ULK4: variants seen among roughly 807,000 people sequenced by gnomAD.
ULK4 encodes unc-51 like kinase 4.
In ULK4, 133 loss-of-function variants were observed where a neutral mutation model predicts 160.6. The observed-to-expected ratio is 0.83, with a 90% CI of 0.72 to 0.96. The LOEUF (loss-of-function observed/expected upper bound fraction) is 0.96, where lower values mean the gene tolerates loss of function less well. Ranked by LOEUF, ULK4 falls within the 40% of genes least tolerant of loss-of-function variation. ULK4 has a pLI of 0.00. For missense variants in ULK4, 1,580 were observed against 1,499.5 expected (o/e 1.05, Z -0.89); for synonymous variants, 534 against 539.8 (o/e 0.99, Z 0.15).
At chr3:41,951,144 CA>C (rs34524276) in intron 2 of ULK4, among the ~76,000 whole-genome samples, 9,679 of 64,084 alleles carry the variant, frequency 0.15, 137 homozygotes, top group Middle Eastern at 0.31. Context: ...GGCTTCGTCT[CA>C]AAAAAAAAAA....
rs181701940 is a variant in ULK4, at chr3:41,411,853, T to C, written c.3493-13589A>G. ...TGGACATTCCTCAACCTGATAAAGG[T>C]TGTGTAGGAGACTGAATGCTTTCCC... On this transcript the variant is annotated intron_variant, in intron 34 of 36. Transcript: ENST00000301831. 7.2e-5 allele frequency among the ~76,000 whole-genome samples: 11 copies of C among 152,098 alleles called. No individual in the cohort carries two copies. The East Asian group carries it at 2.1e-3, about 29-fold the overall frequency.
At chr3:41,371,421 C>T (rs79696182) in intron 35 of ULK4, among the ~76,000 whole-genome samples, 282 of 152,250 alleles carry the variant, frequency 1.9e-3, no homozygotes, top group Non-Finnish European at 3.4e-3. Context: ...GGCAGCTGCC[C>T]CTCTGGGAAA....
At chr3:41,799,589 C>T (rs960232888) in intron 20 of ULK4, among the ~76,000 whole-genome samples, 3 of 152,118 alleles carry the variant, frequency 2.0e-5, no homozygotes, top group South Asian at 2.1e-4. Context: ...AGGCTGGGCG[C>T]GGTGGCTCAT....
At chr3:41,828,065 T>C (rs909524985) in intron 18 of ULK4, among the ~76,000 whole-genome samples, 6 of 151,556 alleles carry the variant, frequency 4.0e-5, no homozygotes, top group Non-Finnish European at 5.9e-5. Context: ...ATTATCTCAA[T>C]AGATGCAGAA....
intron 30 of ULK4, among the ~76,000 whole-genome samples, chr3:41,628,241 AT>A (rs796712107): frequency 3.9e-4 from 60 of 152,318 alleles, no homozygotes; most frequent in African/African-American, 1.4e-3. Flanking sequence ...GGCTCTAATG[AT>A]AAAAAATTTG....
chr3:41,944,038 C>G (rs1700040935), intron 2 of ULK4, among the ~76,000 whole-genome samples: 1 of 152,184 alleles, frequency 6.6e-6, no homozygotes, highest in African/African-American at 2.4e-5. Context: ...GGGACACCAA[C>G]AAGATGTTAA....
intron 35 of ULK4, among the ~76,000 whole-genome samples, chr3:41,350,371 A>C (rs2080885744): frequency 6.6e-6 from 1 of 152,244 alleles, no homozygotes. Flanking sequence ...ATTTTATTTC[A>C]TTGGAAGTTT....
rs997069803 is a variant in ULK4 at position 41,626,756 on chromosome 3, A to T, written c.3072-11039T>A. 3.4e-5 allele frequency among the ~76,000 whole-genome samples: 5 copies of T among 149,194 alleles called. No individual in the cohort carries two copies. The Middle Eastern group carries it at 0.01, about 304-fold the overall frequency. Reference sequence around the variant, plus strand: ...TTAGCCAGGATGGTCTCGATCTCCTAACCTCGTGATCCACCCGCCTCGGCC... The same window carrying T: ...TTAGCCAGGATGGTCTCGATCTCCTTACCTCGTGATCCACCCGCCTCGGCC... On this transcript the variant is annotated intron_variant, in intron 30 of 36. Coordinates refer to ENST00000301831, the MANE Select transcript of ULK4 (RefSeq NM_017886.4).
intron 30 of ULK4, among the ~76,000 whole-genome samples, chr3:41,648,743 A>G (rs561057508): frequency 6.6e-6 from 1 of 152,274 alleles, no homozygotes; most frequent in South Asian, 2.1e-4. Flanking sequence ...GGAATCCCCA[A>G]GTGGGTAAGA....
At chr3:41,320,770 A>G (rs2080230344) in intron 35 of ULK4, among the ~76,000 whole-genome samples, 1 of 151,950 alleles carries the variant, frequency 6.6e-6, no homozygotes, top group South Asian at 2.1e-4. Flanking sequence ...TACAAAAATT[A>G]GCTGGGCATG....
chr3:41,388,514 C>A (rs528244183), intron 35 of ULK4, among the ~76,000 whole-genome samples: 1 of 152,034 alleles, frequency 6.6e-6, no homozygotes, highest in Non-Finnish European at 1.5e-5. Flanking sequence ...TTAGGTCTAA[C>A]GTGTAAGTCT....
At chr3:41,319,866 G>A (rs1278746901) in intron 35 of ULK4, among the ~76,000 whole-genome samples, 2 of 152,140 alleles carry the variant, frequency 1.3e-5, no homozygotes, top group Non-Finnish European at 2.9e-5. Flanking sequence ...TTAATAAATG[G>A]AGAGCCCAAG....
chr3:41,478,260 A>G (rs921838171), intron 32 of ULK4, among the ~76,000 whole-genome samples: 1 of 152,216 alleles, frequency 6.6e-6, no homozygotes, highest in Non-Finnish European at 1.5e-5. Flanking sequence ...TACCCCATCA[A>G]ATCCTATAAT....
intron 17 of ULK4, chr3:41,859,364 G>T: frequency 1.7e-6 from 1 of 586,544 alleles, no homozygotes; most frequent in Admixed American, 1.9e-5. Flanking sequence ...GGCCAATGAT[G>T]CTTCAGATAC....
intron 19 of ULK4, among the ~76,000 whole-genome samples, chr3:41,807,602 A>C (rs1285710144): frequency 6.6e-6 from 1 of 152,198 alleles, no homozygotes; most frequent in Non-Finnish European, 1.5e-5. Context: ...ATTAAATGAG[A>C]TAGCACACAG....
chr3:41,671,411 G>T (rs974616216), intron 29 of ULK4, among the ~76,000 whole-genome samples: 1 of 152,050 alleles, frequency 6.6e-6, no homozygotes, highest in African/African-American at 2.4e-5. Context: ...CAATGGAACA[G>T]AATAGAGAAC....
rs1307919932 is a variant in ULK4, at chr3:41,483,121, T to A, written c.3227-19868A>T. On this transcript the variant is annotated intron_variant, in intron 32 of 36. Coordinates refer to ENST00000301831, the MANE Select transcript of ULK4 (RefSeq NM_017886.4). ...ACCAGATCTTATGCATTCCTTCTCTTTTTTTTGTACCTGTTAACCATCCCC... is the reference window on the plus strand; with the variant it reads ...ACCAGATCTTATGCATTCCTTCTCTATTTTTTGTACCTGTTAACCATCCCC... Among the ~76,000 whole-genome samples, 5 of 152,246 alleles carry A rather than the reference T, an allele frequency of 3.3e-5. No homozygotes were observed. In the South Asian group the frequency reaches 1.0e-3, roughly 32 times the overall value.
At chr3:41,844,745 G>A (rs996480570) in intron 17 of ULK4, among the ~76,000 whole-genome samples, 1 of 143,956 alleles carries the variant, frequency 6.9e-6, no homozygotes, top group Non-Finnish European at 1.5e-5. Context: ...TTGCTGGTGA[G>A]AATGTAAAAC....
chr3:41,513,827 G>A (rs767980070), intron 32 of ULK4, among the ~76,000 whole-genome samples: 16 of 152,258 alleles, frequency 1.1e-4, no homozygotes, highest in Non-Finnish European at 1.0e-4. Flanking sequence ...CAGGTGGGAC[G>A]GAGCTGAGGG....
Sources: allele counts gnomAD v4.1 joint callset (sites outside exome capture counted in the v4.1 genomes callset), GRCh38; gene constraint gnomAD v4.1.1; transcripts MANE v1.5; gene names NCBI Gene and HGNC (gene_info 2026-07-23, HGNC 2026-07-21).